Variants in SYN2 observed in about 807,000 individuals in gnomAD.
SYN2 encodes synapsin-2.
In SYN2, 19 loss-of-function variants were observed where a neutral mutation model predicts 50.9. The observed-to-expected ratio is 0.37, with a 90% CI of 0.26 to 0.55. The LOEUF (loss-of-function observed/expected upper bound fraction) is 0.55. Among genes scored for constraint, SYN2 ranks in the 20% least tolerant of loss-of-function variants. The pLI is 0.81. For missense variants in SYN2, 587 were observed against 576.4 expected (o/e 1.02, Z -0.19); for synonymous variants, 255 against 224.9 (o/e 1.13, Z -1.20).
intron 1 of SYN2, among the ~76,000 whole-genome samples, chr3:12,060,458 G>GAAGGGGA (rs1257285682): frequency 6.6e-6 from 1 of 152,150 alleles, no homozygotes; most frequent in Non-Finnish European, 1.5e-5. Flanking sequence ...ACCTAAGGGG[G>GAAGGGGA]AAGGGGAAAG....
intron 1 of SYN2, among the ~76,000 whole-genome samples, chr3:12,140,000 T>C (rs1696977981): frequency 3.3e-5 from 5 of 152,272 alleles, no homozygotes; most frequent in African/African-American, 1.2e-4. Context: ...ATGTACTGTG[T>C]AACTCACCTT....
chr3:12,107,986 G>A (rs1228858968), intron 1 of SYN2, among the ~76,000 whole-genome samples: 1 of 151,652 alleles, frequency 6.6e-6, no homozygotes, highest in African/African-American at 2.4e-5. Context: ...TGAGGTAGGA[G>A]GATCACTTGT....
chr3:12,127,926 G>T (rs1262415277), intron 1 of SYN2, among the ~76,000 whole-genome samples: 1 of 151,972 alleles, frequency 6.6e-6, no homozygotes, highest in Non-Finnish European at 1.5e-5. Context: ...AAACTCCCTT[G>T]TGCTTCTATA....
At chr3:12,033,287 T>G (rs1030085613) in intron 1 of SYN2, among the ~76,000 whole-genome samples, 64 of 152,170 alleles carry the variant, frequency 4.2e-4, no homozygotes, top group Non-Finnish European at 8.7e-4. Context: ...TCTTCAAAGC[T>G]CAGATGGAAA....
intron 3 of SYN2, 111 bp from the exon 4 acceptor site, chr3:12,145,568 T>C: frequency 8.3e-7 from 1 of 1,209,476 alleles, no homozygotes; most frequent in Non-Finnish European, 1.2e-6. Flanking sequence ...GGGCTTGGAC[T>C]AGGTGGTTCC....
Position 12,184,811 on chromosome 3 carries a change from G to T in SYN2, c.1369+1439G>T, listed in dbSNP as rs1370232435. 5.1e-6 allele frequency: 5 copies of T among 985,756 alleles called. No individual in the cohort carries two copies. In the South Asian group the frequency reaches 2.3e-4, roughly 46 times the overall value. 61.1% of individuals were successfully genotyped at this position (985,756 alleles called of 1,614,324 possible). ...ATCTTGCCATCTCCCGGCCAGGCTG[G>T]GAACGGGCACCAAGCAGCCGCCTCT... On this transcript the variant is annotated intron_variant, in intron 11 of 12. Transcript: ENST00000621198.
chr3:12,119,863 T>A (rs1358133359), intron 1 of SYN2, among the ~76,000 whole-genome samples: 1 of 152,146 alleles, frequency 6.6e-6, no homozygotes, highest in Non-Finnish European at 1.5e-5. Flanking sequence ...TTGAGTTTTT[T>A]ATACAGTGTC....
At chr3:12,069,585 A>G (rs1695297435) in intron 1 of SYN2, among the ~76,000 whole-genome samples, 1 of 151,964 alleles carries the variant, frequency 6.6e-6, no homozygotes, top group Admixed American at 6.6e-5. Flanking sequence ...GGTATACCTA[A>G]GGAGTGAAAT....
At chr3:12,138,786 A>G (rs115134681) in intron 1 of SYN2, among the ~76,000 whole-genome samples, 1 of 152,234 alleles carries the variant, frequency 6.6e-6, no homozygotes, top group African/African-American at 2.4e-5. Context: ...AGGAGGAAGC[A>G]TCAGAAAAGC....
intron 1 of SYN2, among the ~76,000 whole-genome samples, chr3:12,106,365 CT>C (rs923092000): frequency 6.6e-5 from 10 of 152,116 alleles, no homozygotes; most frequent in Non-Finnish European, 1.5e-4. Flanking sequence ...TCAAATCTGT[CT>C]TGTAATAACT....
intron 1 of SYN2, among the ~76,000 whole-genome samples, chr3:12,095,795 C>T (rs1025883136): frequency 6.6e-6 from 1 of 151,546 alleles, no homozygotes; most frequent in African/African-American, 2.4e-5. Flanking sequence ...TGTTCTCTTT[C>T]TGTAAATTAT....
intron 1 of SYN2, among the ~76,000 whole-genome samples, chr3:12,086,248 A>T (rs1299670243): frequency 6.6e-6 from 1 of 152,168 alleles, no homozygotes; most frequent in Admixed American, 6.5e-5. Context: ...CATCAATGAA[A>T]ACCCAAGACC....
intron 5 of SYN2, among the ~76,000 whole-genome samples, chr3:12,156,214 C>T (rs888489883): frequency 2.2e-4 from 33 of 152,220 alleles, no homozygotes; most frequent in Non-Finnish European, 7.3e-5. Context: ...TTTATGTTTT[C>T]AGGCCAGTTT....
intron 1 of SYN2, among the ~76,000 whole-genome samples, chr3:12,086,482 A>G (rs1695704344): frequency 2.6e-5 from 4 of 152,192 alleles, no homozygotes; most frequent in Admixed American, 2.6e-4. Flanking sequence ...ATACTAGCAG[A>G]CCAAACTCAA....
chr3:12,160,418 T>A (rs1205064904), intron 5 of SYN2, among the ~76,000 whole-genome samples: 1 of 152,214 alleles, frequency 6.6e-6, no homozygotes, highest in Non-Finnish European at 1.5e-5. Context: ...GTTCAAATCT[T>A]AGTTCCCATA....
chr3:12,163,219 G>A (rs1221301515), intron 7 of SYN2, among the ~76,000 whole-genome samples: 1 of 142,254 alleles, frequency 7.0e-6, no homozygotes, highest in African/African-American at 2.7e-5. Context: ...TCCAGCCTGG[G>A]CGACAGTGCA....
chr3:12,004,952 T>C (rs1194445662), intron 1 of SYN2, 24 bp downstream of exon 1: 1 of 487,830 alleles, frequency 2.0e-6, no homozygotes, highest in Non-Finnish European at 3.6e-6. Context: ...GCCGCCGCCC[T>C]CGGGGGTCGG....
chr3:12,107,574 CAT>C (rs918241285), intron 1 of SYN2, among the ~76,000 whole-genome samples: 5 of 152,042 alleles, frequency 3.3e-5, no homozygotes, highest in African/African-American at 1.2e-4. Context: ...CGAGATGACT[CAT>C]GTGGAGGCTT....
At chr3:12,050,759 C>A (rs1459112277) in intron 1 of SYN2, among the ~76,000 whole-genome samples, 2 of 100,246 alleles carry the variant, frequency 2.0e-5, no homozygotes, top group East Asian at 7.2e-4. Flanking sequence ...GACGGAGTCT[C>A]GCTCTGTCGC....
Sources: allele counts gnomAD v4.1 joint callset (sites outside exome capture counted in the v4.1 genomes callset), GRCh38; gene constraint gnomAD v4.1.1; transcripts MANE v1.5; gene names NCBI Gene and HGNC (gene_info 2026-07-23, HGNC 2026-07-21).